DRAM1: variants seen among roughly 807,000 people sequenced by gnomAD.
DRAM1 encodes the protein DNA damage regulated autophagy modulator 1.
Under a neutral mutation model 28.5 loss-of-function variants are expected in DRAM1, and 25 were observed. The observed-to-expected ratio is 0.88, with a 90% CI of 0.64 to 1.23. The LOEUF (loss-of-function observed/expected upper bound fraction) is 1.23. Ranked by LOEUF, DRAM1 falls within the 50% of genes most tolerant of loss-of-function variation. The probability of loss-of-function intolerance (pLI) is 0.00; values close to 1 mark genes in which losing one functional copy is unlikely to be tolerated. For missense variants in DRAM1, 249 were observed against 299.2 expected (o/e 0.83, Z 1.24); for synonymous variants, 113 against 114.2 (o/e 0.99, Z 0.07).
In DRAM1 at chr12:101,920,088, GTTTC is replaced by G. The variant is rs1874420111; in HGVS notation, c.580-17_580-14del. On this transcript the variant is annotated splice_polypyrimidine_tract_variant and intron_variant, in intron 5 of 6. Transcript: ENST00000258534. ...AGTGAGTCTTTTTCGGCTAAATTCT[GTTTC>G]TTTATTATTGCATTAGGATTATGTA... is the stretch of plus-strand genomic sequence containing the variant. 3.2e-6 allele frequency: 5 copies of G among 1,538,744 alleles called. No homozygotes were observed. The highest frequency in any genetic ancestry group is 3.5e-6 in the Non-Finnish European group (4 of 1,132,310).
Position 101,904,426 on chromosome 12 carries a change from GGTTTT to G in DRAM1, c.342+2994_342+2998del, listed in dbSNP as rs1484642384. Among the ~76,000 whole-genome samples, 23 of 39,132 alleles carry G rather than the reference GGTTTT, an allele frequency of 5.9e-4. 5 individuals carry two copies. The highest frequency in any genetic ancestry group is 8.1e-4 in the African/African-American group (8 of 9,904). 25.7% of individuals were successfully genotyped at this position (39,132 alleles called of 152,430 possible). ...TGAAGCTGAGTGATAGAGCTTTAGG[GGTTTT>G]TTTTTTTTTTTTTTTTTTTTTTTTT... On this transcript the variant is annotated intron_variant, in intron 3 of 6. Coordinates refer to ENST00000258534, the MANE Select transcript of DRAM1 (RefSeq NM_018370.3).
intron 2 of DRAM1, 34 bp from the exon 3 acceptor site, chr12:101,901,257 T>C: frequency 6.3e-7 from 1 of 1,596,532 alleles, no homozygotes; most frequent in East Asian, 2.2e-5. Context: ...GACATCAAAT[T>C]ATGAACATTC....
Position 101,883,952 on chromosome 12 carries a change from T to A in DRAM1, c.131+6032T>A, listed in dbSNP as rs866356266. On this transcript the variant is annotated intron_variant, in intron 1 of 6. Transcript: ENST00000258534. ...CTTTCTCAAAAAAAAAAAAAATAAA[T>A]AAATACAAAATAAAAACATGGGACC... Among the ~76,000 whole-genome samples the A allele has an allele frequency of 2.3e-3, 340 of 146,236 alleles. 3 individuals carry two copies. The highest frequency in any genetic ancestry group is 7.9e-3 in the African/African-American group (305 of 38,826).
intron 1 of DRAM1, chr12:101,889,979 A>G (rs1594294233): frequency 2.4e-6 from 1 of 419,506 alleles, no homozygotes; most frequent in Non-Finnish European, 4.6e-6. Flanking sequence ...AGTAATGAGT[A>G]CTTTCTAATG....
At chr12:101,888,005 A>G (rs944367418) in intron 1 of DRAM1, among the ~76,000 whole-genome samples, 1 of 152,222 alleles carries the variant, frequency 6.6e-6, no homozygotes. Context: ...GTATTCTGAC[A>G]TGATGTTAAT....
intron 3 of DRAM1, among the ~76,000 whole-genome samples, chr12:101,905,783 T>TTATTTATTTATG (rs1410345657): frequency 3.4e-5 from 5 of 149,138 alleles, no homozygotes; most frequent in Non-Finnish European, 5.9e-5. Flanking sequence ...ATTTATTTAT[T>TTATTTATTTATG]TATGTATTTA....
At chr12:101,910,955 G>A (rs1874020389) in intron 4 of DRAM1, among the ~76,000 whole-genome samples, 1 of 152,060 alleles carries the variant, frequency 6.6e-6, no homozygotes, top group South Asian at 2.1e-4. Flanking sequence ...CTTTAAATAG[G>A]CTAGGTGCGG....
intron 1 of DRAM1, among the ~76,000 whole-genome samples, chr12:101,878,467 C>G (rs1377834385): frequency 6.6e-6 from 1 of 152,224 alleles, no homozygotes; most frequent in Non-Finnish European, 1.5e-5. Flanking sequence ...GAAAGCAACA[C>G]TGTGCTGCCC....
chr12:101,882,656 A>G (rs1189744896), intron 1 of DRAM1, among the ~76,000 whole-genome samples: 1 of 151,274 alleles, frequency 6.6e-6, no homozygotes, highest in African/African-American at 2.4e-5. Flanking sequence ...GTTGTGATCT[A>G]GTGGGTTAGC....
rs557489298 is a variant in DRAM1 at position 101,894,684 on chromosome 12, T to A, written c.132-3179T>A. On this transcript the variant is annotated intron_variant, in intron 1 of 6. Coordinates refer to ENST00000258534, the MANE Select transcript of DRAM1 (RefSeq NM_018370.3). ...CCTTTGACATAGTCTCAATTTGCCA[T>A]CAATAGACAGAGTCCCCAGGTCTGG... Among the ~76,000 whole-genome samples, 115 of 152,202 alleles carry A rather than the reference T, an allele frequency of 7.6e-4. 1 individual carries two copies. Among genetic ancestry groups the A allele is most frequent in the Non-Finnish European group, 1.6e-3 (107 of 68,044 alleles).
At chr12:101,902,860 T>A (rs1873655712) in intron 3 of DRAM1, among the ~76,000 whole-genome samples, 1 of 152,184 alleles carries the variant, frequency 6.6e-6, no homozygotes, top group Admixed American at 6.5e-5. Context: ...CAAACCAACT[T>A]GAGCTAACTC....
intron 6 of DRAM1, 73 bp from the exon 7 acceptor site, chr12:101,921,143 G>A: frequency 9.2e-7 from 1 of 1,089,042 alleles, no homozygotes; most frequent in Non-Finnish European, 1.4e-6. Flanking sequence ...GTGCAGAGCT[G>A]TTGGAAATGT....
At chr12:101,908,653 A>G (rs1212459785) in intron 4 of DRAM1, among the ~76,000 whole-genome samples, 2 of 150,826 alleles carry the variant, frequency 1.3e-5, no homozygotes, top group African/African-American at 2.4e-5. Flanking sequence ...GTGATCAGAC[A>G]TCACCTGGGA....
At chr12:101,910,023 G>A (rs1018835729) in intron 4 of DRAM1, among the ~76,000 whole-genome samples, 5 of 151,828 alleles carry the variant, frequency 3.3e-5, no homozygotes, top group Admixed American at 2.6e-4. Context: ...CACATCACTT[G>A]CTTCTAAATA....
intron 2 of DRAM1, among the ~76,000 whole-genome samples, chr12:101,898,603 G>T (rs1873478978): frequency 6.6e-6 from 1 of 152,192 alleles, no homozygotes; most frequent in Non-Finnish European, 1.5e-5. Flanking sequence ...GTATTCTGAA[G>T]GCAAGCTGAT....
At chr12:101,886,049 C>G (rs1441049729) in intron 1 of DRAM1, among the ~76,000 whole-genome samples, 3 of 152,170 alleles carry the variant, frequency 2.0e-5, no homozygotes, top group African/African-American at 7.2e-5. Context: ...GTTTCCTCCT[C>G]TTTAATTGTT....
chr12:101,913,697 G>C (rs1566131313), intron 4 of DRAM1, among the ~76,000 whole-genome samples: 1 of 109,222 alleles, frequency 9.2e-6, no homozygotes, highest in Non-Finnish European at 1.7e-5. Context: ...CAGAGCGAGA[G>C]TACGTCTCAA....
At chr12:101,900,697 C>T (rs1364277198) in intron 2 of DRAM1, among the ~76,000 whole-genome samples, 1 of 152,180 alleles carries the variant, frequency 6.6e-6, no homozygotes, top group African/African-American at 2.4e-5. Context: ...CTCGCAAATT[C>T]TGCTGGTGGG....
In DRAM1 at chr12:101,908,278, C is replaced by A; in HGVS notation, c.435C>A (p.Tyr145Ter). Residue 145 changes from tyrosine to a stop codon, truncating the protein, a stop_gained, in exon 4 of 7, where the codon TAC (tyrosine) becomes TAA (stop). Coordinates refer to ENST00000258534, the MANE Select transcript of DRAM1 (RefSeq NM_018370.3). LOFTEE classifies it high-confidence loss of function. ...VYTLLQSIISYKSCPQWNSLS... is the reference protein window; with the variant it reads ...VYTLLQSIIS ...CGCTCCTACAGTCCATCATCTCTTA[C>A]AAATCATGTCCCCAGTGGAACAGTC... 1 of 1,614,170 alleles carries A rather than the reference C, an allele frequency of 6.2e-7. No individual in the cohort carries two copies. Among genetic ancestry groups the A allele is most frequent in the Non-Finnish European group, 8.5e-7 (1 of 1,180,028 alleles).
Sources: allele counts gnomAD v4.1 joint callset (sites outside exome capture counted in the v4.1 genomes callset), GRCh38; gene constraint gnomAD v4.1.1; transcripts MANE v1.5; gene names NCBI Gene and HGNC (gene_info 2026-07-23, HGNC 2026-07-21).